MCM3: variants seen among roughly 807,000 people sequenced by gnomAD.
MCM3 encodes the protein minichromosome maintenance complex component 3, also known as DNA replication licensing factor MCM3.
In MCM3, 59 loss-of-function variants were observed where a neutral mutation model predicts 91.3. The ratio of observed to expected loss-of-function variants is 0.65; its 90% CI spans 0.52 to 0.80. The LOEUF (loss-of-function observed/expected upper bound fraction) is 0.80, where lower values mean the gene tolerates loss of function less well. MCM3 is among the 30% of genes least tolerant of loss of function. The probability of loss-of-function intolerance (pLI) is 0.00; values close to 1 mark genes in which losing one functional copy is unlikely to be tolerated. For synonymous variants in MCM3, 383 were observed against 379.6 expected, an observed-to-expected ratio of 1.01 and a Z score of -0.10; for missense variants, 919 against 1,035.4, an observed-to-expected ratio of 0.89 and a Z score of 1.54.
intron 6 of MCM3, among the ~76,000 whole-genome samples, 190 bp from the exon 7 acceptor site, chr6:52,277,878 C>T (rs1041244669): frequency 2.6e-5 from 4 of 151,686 alleles, no homozygotes; most frequent in African/African-American, 9.7e-5. Flanking sequence ...ACCAGCCTGG[C>T]CAACATGGTG....
intron 10 of MCM3, 60 bp downstream of exon 10, chr6:52,273,682 G>T: frequency 6.5e-7 from 1 of 1,528,500 alleles, no homozygotes. Flanking sequence ...TTGGGCCTGA[G>T]AAACTACCAT....
intron 3 of MCM3, 67 bp from the exon 4 acceptor site, chr6:52,282,242 A>G (rs1766170150): frequency 6.9e-7 from 1 of 1,452,224 alleles, no homozygotes; most frequent in South Asian, 1.2e-5. Flanking sequence ...GAACCCAAAC[A>G]TATGCAAGCC....
chr6:52,279,411 G>A lies in MCM3; in HGVS notation c.720C>T (p.Thr240=). The A allele has an allele frequency of 1.9e-6, 3 of 1,614,186 alleles. No homozygotes were observed. The highest frequency in any genetic ancestry group is 2.5e-6 in the Non-Finnish European group (3 of 1,180,042). ...KPGDRVQVVG[T]YRCLPGKKGG... ...CCTTCTTTCCAGGAAGGCAACGGTA[G>A]GTTCCCACCACCTGAACCCGGTCAC... Residue 240 remains threonine, a synonymous_variant, in exon 5 of 17, where the codon ACC becomes ACT. Coordinates refer to ENST00000596288, the MANE Select transcript of MCM3 (RefSeq NM_002388.6).
chr6:52,283,205 C>A, intron 2 of MCM3, 89 bp downstream of exon 2: 1 of 1,040,952 alleles, frequency 9.6e-7, no homozygotes, highest in Non-Finnish European at 1.5e-6. Flanking sequence ...CTGTTTCATA[C>A]AAGTCCTCTC....
chr6:52,264,534 G>A lies in MCM3; in HGVS notation c.*54C>T, dbSNP rs1764482458. The A allele has an allele frequency of 3.8e-6, 6 of 1,592,028 alleles. No homozygotes were observed. The highest frequency in any genetic ancestry group is 5.2e-6 in the Non-Finnish European group (6 of 1,160,818). The stretch of plus-strand genomic sequence containing the variant: ...AAAGACTTGGGTCAGGGAGAGGGTG[G>A]GAAACACAGAACAAACTCTCTCGGC... On this transcript the variant is annotated 3_prime_UTR_variant, in exon 17 of 17. Coordinates refer to ENST00000596288, the MANE Select transcript of MCM3 (RefSeq NM_002388.6).
chr6:52,266,184 C>G (rs747839162), intron 15 of MCM3, 40 bp from the exon 16 acceptor site: 6 of 1,468,626 alleles, frequency 4.1e-6, no homozygotes, highest in Non-Finnish European at 5.7e-6. Flanking sequence ...GGAAGATAAG[C>G]AAGGTGAAGC....
At chr6:52,280,562 G>T (rs1480286814) in intron 4 of MCM3, among the ~76,000 whole-genome samples, 1 of 152,224 alleles carries the variant, frequency 6.6e-6, no homozygotes. Context: ...CTTGATACAG[G>T]TGTTAACTCC....
At position 52,279,567 on chromosome 6, in the gene MCM3, A is replaced by G. The variant is rs377353666; in HGVS notation, c.564T>C (p.Tyr188=). ...GGTGATCCTTGTAGACAGAAAGGCC[A>G]TATTCTGTCTCAAGGGGATTGTTCT... ...DEENNPLETE[Y]GLSVYKDHQT... The change falls in exon 5 of 17, where the codon TAT becomes TAC. Residue 188 remains tyrosine, a synonymous_variant. Transcript: ENST00000596288. 56 of 1,613,938 alleles carry G rather than the reference A, an allele frequency of 3.5e-5. No individual in the cohort carries two copies. The highest frequency in any genetic ancestry group is 4.7e-5 in the Non-Finnish European group (55 of 1,179,970).
intron 9 of MCM3, among the ~76,000 whole-genome samples, chr6:52,274,621 C>A (rs10456156): frequency 6.6e-6 from 1 of 150,720 alleles, no homozygotes; most frequent in Admixed American, 6.6e-5. Flanking sequence ...CCAGGGAGGT[C>A]GAGGCTGCAG....
Position 52,273,255 on chromosome 6 carries a change from G to A in MCM3, c.1651C>T (p.Leu551Phe). 2 of 1,614,200 alleles carry A rather than the reference G, an allele frequency of 1.2e-6. No homozygotes were observed. Among genetic ancestry groups the A allele is most frequent in the Non-Finnish European group, 1.7e-6 (2 of 1,180,030 alleles). The change falls in exon 11 of 17, where the codon CTT becomes TTT. Residue 551 changes from leucine (L) to phenylalanine (F), a missense_variant. Transcript: ENST00000596288. ...TTTTTCTTCTTGGTCCCATGTAGAA[G>A]GTTGTCATGCTTCTCATAAATCTGG... Reference protein sequence around the residue: ...DTQIYEKHDNLLHGTKKKKEK... With the variant: ...DTQIYEKHDNFLHGTKKKKEK...
intron 14 of MCM3, among the ~76,000 whole-genome samples, chr6:52,267,317 T>C (rs1411656629): frequency 1.3e-5 from 2 of 151,828 alleles, no homozygotes; most frequent in African/African-American, 4.8e-5. Context: ...AGGATGGTCT[T>C]GATCTCCTGA....
intron 6 of MCM3, 49 bp from the exon 7 acceptor site, chr6:52,277,737 T>C (rs538337227): frequency 2.6e-6 from 4 of 1,564,310 alleles, no homozygotes; most frequent in African/African-American, 1.4e-5. Context: ...CAATGGGACT[T>C]TGTGGAGCTC....
chr6:52,267,822 T>A, intron 14 of MCM3, 43 bp downstream of exon 14: 2 of 788,048 alleles, frequency 2.5e-6, no homozygotes, highest in Non-Finnish European at 4.5e-6. Context: ...CCCCAACTTC[T>A]TGGCCACTAA....
Position 52,282,146 on chromosome 6 carries a change from T to C in MCM3, c.430A>G (p.Ser144Gly). ...TTAGTAGCAGGACAGTAGTGGACAC[T>C]GCGGACGACTTTGGGACGAACTAGA... is the stretch of plus-strand genomic sequence containing the variant. ...CSLVRPKVVR[S>G]VHYCPATKKT... Residue 144 changes from serine (S) to glycine (G), a missense_variant, in exon 4 of 17, where the codon AGT becomes GGT. By Grantham distance (56) the Ser-to-Gly change is moderately conservative. This residue lies in a region of MCM3 where 401 missense variants were observed against 402.7 expected (regional missense o/e 1.00). Transcript: ENST00000596288. The C allele has an allele frequency of 6.2e-7, 1 of 1,614,134 alleles. No individual in the cohort carries two copies. Among genetic ancestry groups the C allele is most frequent in the Non-Finnish European group, 8.5e-7 (1 of 1,180,000 alleles).
chr6:52,277,668 G>T lies in MCM3; in HGVS notation c.900C>A (p.Ala300=), dbSNP rs200914608. The T allele has an allele frequency of 6.2e-7, 1 of 1,613,930 alleles. No individual in the cohort carries two copies. The highest frequency in any genetic ancestry group is 1.7e-5 in the Admixed American group (1 of 59,994). The change falls in exon 7 of 17, where the codon GCC becomes GCA. Residue 300 remains alanine (A), a synonymous_variant. Coordinates refer to ENST00000596288, the MANE Select transcript of MCM3 (RefSeq NM_002388.6). ...CATGGATACTTGGGGCCAATGACTT[G>T]GCCAGCTGGTCAAAGATATCCTACA... is the stretch of plus-strand genomic sequence containing the variant. ...TRSKDIFDQL[A]KSLAPSIHGH... is the part of the protein sequence containing the mutation.
intron 7 of MCM3, 152 bp from the exon 8 acceptor site, chr6:52,277,350 G>C (rs1765666187): frequency 1.0e-6 from 1 of 953,218 alleles, no homozygotes; most frequent in African/African-American, 1.7e-5. Context: ...ACTCACGGAA[G>C]AATATTTATA....
At chr6:52,279,621 GAC>G (rs1765902624) in intron 4 of MCM3, 22 bp from the exon 5 acceptor site, 4 of 1,558,406 alleles carry the variant, frequency 2.6e-6, no homozygotes, top group Non-Finnish European at 2.6e-6. Context: ...CACACAGAGG[GAC>G]AGAGTGATCT....
At chr6:52,282,384 TAATA>T (rs1035172515) in intron 3 of MCM3, among the ~76,000 whole-genome samples, 4 of 152,168 alleles carry the variant, frequency 2.6e-5, no homozygotes, top group Non-Finnish European at 2.9e-5. Flanking sequence ...CAATCCCAAC[TAATA>T]AATAGGTGGA....
chr6:52,283,465 C>G, intron 1 of MCM3, 59 bp from the exon 2 acceptor site: 1 of 1,214,438 alleles, frequency 8.2e-7, no homozygotes, highest in Non-Finnish European at 1.2e-6. Context: ...TGTTTCTAAA[C>G]AGAAGTAGTT....
Sources: allele counts gnomAD v4.1 joint callset (sites outside exome capture counted in the v4.1 genomes callset), GRCh38; gene constraint gnomAD v4.1.1; regional missense constraint gnomAD v4.1.1; transcripts MANE v1.5; gene names NCBI Gene and HGNC (gene_info 2026-07-23, HGNC 2026-07-21).